SEC61A1: variants seen among roughly 807,000 people sequenced by gnomAD.
SEC61A1 encodes SEC61 translocon subunit alpha 1.
A neutral mutation model predicts 55.2 loss-of-function variants in SEC61A1; 15 were observed. The observed-to-expected ratio is 0.27, with a 90% CI of 0.18 to 0.42. The LOEUF (loss-of-function observed/expected upper bound fraction) is 0.42, where lower values mean the gene tolerates loss of function less well. SEC61A1 is among the 10% of genes least tolerant of loss of function. The probability of loss-of-function intolerance (pLI) is 1.00; values close to 1 mark genes in which losing one functional copy is unlikely to be tolerated. For synonymous variants in SEC61A1, 247 were observed against 234.0 expected, an observed-to-expected ratio of 1.06 and a Z score of -0.51; for missense variants, 284 against 602.6, an observed-to-expected ratio of 0.47 and a Z score of 5.53.
rs186120163 is a variant in SEC61A1, at chr3:128,057,032, G to C, written c.352+192G>C. ...GCTCACTGCAACCTCCACCTCCCAG[G>C]TTCAAGCAATTCTGCCTCAGCTTCC... On this transcript the variant is annotated intron_variant, in intron 5 of 11. Transcript: ENST00000243253. Among the ~76,000 whole-genome samples, 309 of 152,058 alleles carry C rather than the reference G, an allele frequency of 2.0e-3. 2 individuals are homozygous for C. The highest frequency in any genetic ancestry group is 6.7e-3 in the African/African-American group (279 of 41,490).
Position 128,052,452 on chromosome 3 carries a change from G to A in SEC61A1, c.-101G>A. The A allele has an allele frequency of 6.9e-7, 1 of 1,448,250 alleles. No individual in the cohort carries two copies. Among genetic ancestry groups the A allele is most frequent in the Non-Finnish European group, 9.1e-7 (1 of 1,098,408 alleles). 89.7% of individuals were successfully genotyped at this position (1,448,250 alleles called of 1,614,324 possible). ...GGCTAGCACTGACGTGTCTCTCGGC[G>A]GAGCTGCTGTGCAGTGGAACGCGCT... On this transcript the variant is annotated 5_prime_UTR_variant, in exon 1 of 12. Coordinates refer to ENST00000243253, the MANE Select transcript of SEC61A1 (RefSeq NM_013336.4).
intron 7 of SEC61A1, among the ~76,000 whole-genome samples, chr3:128,063,845 A>G (rs1941890583): frequency 6.6e-6 from 1 of 152,186 alleles, no homozygotes; most frequent in Non-Finnish European, 1.5e-5. Context: ...TTTTAACGTA[A>G]GTAAATTTCT....
intron 7 of SEC61A1, among the ~76,000 whole-genome samples, chr3:128,063,475 C>T (rs1941880921): frequency 1.3e-5 from 2 of 152,186 alleles, no homozygotes; most frequent in African/African-American, 2.4e-5. Flanking sequence ...TATGGGATTA[C>T]AGGCGCCCGC....
rs952971165 is a variant in SEC61A1 at position 128,070,579 on chromosome 3, G to C, written c.*917G>C. The C allele has an allele frequency of 6.6e-6, 1 of 152,270 alleles. No individual in the cohort carries two copies. The highest frequency in any genetic ancestry group is 1.5e-5 in the Non-Finnish European group (1 of 68,072). The allele number at this position is 152,270 out of a possible 1,614,324, so 9.4% of individuals were successfully genotyped here. The stretch of plus-strand genomic sequence containing the variant: ...CACAAGCCCCTACACCTTCTGGGCT[G>C]AAGATCACCCAGCTGTGTTCAGAAT... On this transcript the variant is annotated 3_prime_UTR_variant, in exon 12 of 12. Coordinates refer to ENST00000243253, the MANE Select transcript of SEC61A1 (RefSeq NM_013336.4).
At chr3:128,056,633 T>G in intron 4 of SEC61A1, 76 bp from the exon 5 acceptor site, 1 of 1,324,866 alleles carries the variant, frequency 7.5e-7, no homozygotes, top group South Asian at 2.1e-5. Context: ...CAGTCAAATT[T>G]TGCGTATTCA....
Position 128,069,917 on chromosome 3 carries a change from T to G in SEC61A1, c.*255T>G. On this transcript the variant is annotated 3_prime_UTR_variant, in exon 12 of 12. Transcript: ENST00000243253. ...CAGAGAAGTGGGAATGGTATAGGATTGTCCCCAAGTGTCCATGTAACTTTT... is the reference window on the plus strand; with the variant it reads ...CAGAGAAGTGGGAATGGTATAGGATGGTCCCCAAGTGTCCATGTAACTTTT... 2.5e-6 allele frequency: 1 copy of G among 404,046 alleles called. No individual in the cohort carries two copies. The highest frequency in any genetic ancestry group is 4.4e-6 in the Non-Finnish European group (1 of 225,496). 25.0% of individuals were successfully genotyped at this position (404,046 alleles called of 1,614,324 possible). A position where few individuals can be genotyped will look rare whatever the true frequency, so the allele number is the denominator to read the frequency against.
intron 7 of SEC61A1, among the ~76,000 whole-genome samples, chr3:128,061,955 T>A (rs1576421501): frequency 6.6e-6 from 1 of 152,136 alleles, no homozygotes; most frequent in African/African-American, 2.4e-5. Context: ...AGCCAGAGTT[T>A]GGAAGAAGTG....
Position 128,067,303 on chromosome 3 carries a change from A to T in SEC61A1, c.976-118A>T. 2 of 1,315,412 alleles carry T rather than the reference A, an allele frequency of 1.5e-6. No individual in the cohort carries two copies. Among genetic ancestry groups the T allele is most frequent in the Non-Finnish European group, 2.1e-6 (2 of 945,988 alleles). The allele number at this position is 1,315,412 out of a possible 1,614,324, so 81.5% of individuals were successfully genotyped here. A position where few individuals can be genotyped will look rare whatever the true frequency, so the allele number is the denominator to read the frequency against. ...CATTAAATTATCTTTTCAGTAAAAA[A>T]ATTGTACTGTGGGCACCGAGTAAAA... On this transcript the variant is annotated intron_variant, in intron 9 of 11. Coordinates refer to ENST00000243253, the MANE Select transcript of SEC61A1 (RefSeq NM_013336.4). The surrounding 1 kb of genome is among the most constrained non-coding windows in gnomAD (Gnocchi z 4.1).
intron 7 of SEC61A1, among the ~76,000 whole-genome samples, chr3:128,060,927 G>A (rs952585049): frequency 3.3e-5 from 5 of 152,258 alleles, no homozygotes; most frequent in Admixed American, 3.3e-4. Context: ...ACTTTTCTTA[G>A]CACAGTATAA....
chr3:128,053,123 G>C (rs1320155579), intron 2 of SEC61A1, among the ~76,000 whole-genome samples: 1 of 152,154 alleles, frequency 6.6e-6, no homozygotes, highest in African/African-American at 2.4e-5. Context: ...GAGCATCTTT[G>C]GTGGATGTTG....
chr3:128,065,115 T>A, intron 8 of SEC61A1, 78 bp downstream of exon 8: 10 of 1,383,256 alleles, frequency 7.2e-6, no homozygotes, highest in Non-Finnish European at 1.0e-5. Context: ...AGTCCCCCAC[T>A]CTGTGGGGTG....
At chr3:128,065,130 GTCA>G in intron 8 of SEC61A1, 93 bp downstream of exon 8, 1 of 1,299,222 alleles carries the variant, frequency 7.7e-7, no homozygotes, top group Non-Finnish European at 1.1e-6. Flanking sequence ...GGGGTGCACT[GTCA>G]TCATATTGTG....
At position 128,068,060 on chromosome 3, in the gene SEC61A1, G is replaced by C. The variant is rs1942038444; in HGVS notation, c.1244+1G>C. ...CCTCCATGGTCCATGAACTCAACCG[G>C]TGAGTGGTGGCCCCAGGTCCCCAAC... On this transcript the variant is annotated splice_donor_variant, in intron 11 of 11. Transcript: ENST00000243253. LOFTEE classifies it high-confidence loss of function. 2 of 1,613,042 alleles carry C rather than the reference G, an allele frequency of 1.2e-6. No individual in the cohort carries two copies. The highest frequency in any genetic ancestry group is 1.7e-6 in the Non-Finnish European group (2 of 1,179,326).
intron 8 of SEC61A1, 80 bp downstream of exon 8, chr3:128,065,117 T>A: frequency 8.0e-6 from 11 of 1,370,336 alleles, no homozygotes; most frequent in Non-Finnish European, 1.1e-5. Flanking sequence ...TCCCCCACTC[T>A]GTGGGGTGCA....
intron 1 of SEC61A1, 116 bp downstream of exon 1, chr3:128,052,675 C>T: frequency 1.3e-6 from 2 of 1,528,920 alleles, no homozygotes; most frequent in Non-Finnish European, 1.8e-6. Flanking sequence ...AGAACGCGGC[C>T]CGTGCCCCCG....
Position 128,052,566 on chromosome 3 carries a change from C to A in SEC61A1, c.7+7C>A. 6.3e-7 allele frequency: 1 copy of A among 1,599,724 alleles called. No individual in the cohort carries two copies. The highest frequency in any genetic ancestry group is 8.5e-7 in the Non-Finnish European group (1 of 1,174,072). ...GCAGCCGCCGCCATGGCAAGTGAGT[C>A]CTGTAGGGAAGCCCTATTGAGGCCG... On this transcript the variant is annotated splice_region_variant and intron_variant, in intron 1 of 11. Transcript: ENST00000243253.
chr3:128,064,244 G>T (rs1203091067), intron 7 of SEC61A1, among the ~76,000 whole-genome samples: 1 of 152,230 alleles, frequency 6.6e-6, no homozygotes, highest in Admixed American at 6.5e-5. Flanking sequence ...CTTTCAGCTA[G>T]AGTTCAGCAG....
intron 7 of SEC61A1, among the ~76,000 whole-genome samples, chr3:128,061,261 A>G (rs879843649): frequency 7.2e-5 from 11 of 152,222 alleles, no homozygotes; most frequent in Non-Finnish European, 1.3e-4. Context: ...ATGAAATTAC[A>G]TGATGCCTGG....
At chr3:128,052,054 G>A, upstream of SEC61A1, 1 of 699,478 alleles carries the variant, frequency 1.4e-6, no homozygotes, top group Non-Finnish European at 2.4e-6. Context: ...AGTGAGTGCT[G>A]TTACGTGTAT....
Sources: allele counts gnomAD v4.1 joint callset (sites outside exome capture counted in the v4.1 genomes callset), GRCh38; gene constraint gnomAD v4.1.1; non-coding constraint Gnocchi (gnomAD v3.1); transcripts MANE v1.5; gene names NCBI Gene and HGNC (gene_info 2026-07-23, HGNC 2026-07-21).